The following DOCK7 variants were observed in gnomAD, a reference collection of about 807,000 sequenced individuals.
DOCK7 encodes the protein dedicator of cytokinesis 7, also known as dedicator of cytokinesis protein 7.
In DOCK7, 138 loss-of-function variants were observed where a neutral mutation model predicts 271.0. The observed-to-expected ratio is 0.51, with a 90% CI of 0.44 to 0.59. The LOEUF is 0.59. Among genes scored for constraint, DOCK7 ranks in the 20% least tolerant of loss-of-function variants. The pLI, the probability that DOCK7 is intolerant of heterozygous loss-of-function variation, is 0.00. For synonymous variants in DOCK7, 823 were observed against 876.1 expected, an observed-to-expected ratio of 0.94 and a Z score of 1.07; for missense variants, 2,066 against 2,592.4, an observed-to-expected ratio of 0.80 and a Z score of 4.41.
rs144381701 is a variant in DOCK7, at chr1:62,617,159, T to G, written c.1682+1547A>C. Among the ~76,000 whole-genome samples, 8 of 151,412 alleles carry G rather than the reference T, an allele frequency of 5.3e-5. No homozygotes were observed. In the East Asian group the frequency reaches 1.2e-3, roughly 22 times the overall value. On this transcript the variant is annotated intron_variant, in intron 14 of 49. Coordinates refer to ENST00000635253, the MANE Select transcript of DOCK7 (RefSeq NM_001367561.1). ...GGTAAATAGGCTCTAAGATGACAAT[T>G]GTACAGTAAGCCTAAAAAGCCTACA...
At chr1:62,648,654 T>A (rs1464055662) in intron 4 of DOCK7, 110 bp from the exon 5 acceptor site, 1 of 569,362 alleles carries the variant, frequency 1.8e-6, no homozygotes, top group Admixed American at 4.1e-5. Flanking sequence ...TATTTCTTTA[T>A]GTAATAAGAA....
At position 62,618,684 on chromosome 1, in the gene DOCK7, T is replaced by C. The variant is rs534143817; in HGVS notation, c.1682+22A>G. The C allele has an allele frequency of 8.7e-5, 138 of 1,592,068 alleles. 3 individuals are homozygous for C. The South Asian group carries it at 1.5e-3, about 17-fold the overall frequency. ...AATATACAGTATCTTCTATCAGAAT[T>C]CTCCAAATTAAAATCTCTTACCTGT... On this transcript the variant is annotated intron_variant, in intron 14 of 49. Transcript: ENST00000635253.
intron 30 of DOCK7, 143 bp downstream of exon 30, chr1:62,529,134 A>C: frequency 1.3e-6 from 1 of 764,392 alleles, no homozygotes; most frequent in Non-Finnish European, 1.9e-6. Flanking sequence ...GTTTTCTGGC[A>C]ATATAGTTTA....
intron 12 of DOCK7, among the ~76,000 whole-genome samples, chr1:62,623,059 C>T (rs1653488528): frequency 6.6e-6 from 1 of 152,204 alleles, no homozygotes; most frequent in African/African-American, 2.4e-5. Context: ...CAGGCATGAG[C>T]CGACATGCCT....
chr1:62,676,688 C>T (rs960243698), intron 1 of DOCK7, among the ~76,000 whole-genome samples: 2 of 152,022 alleles, frequency 1.3e-5, no homozygotes, highest in Admixed American at 6.6e-5. Context: ...CCTGAGACTC[C>T]GTACCACGAT....
At chr1:62,594,142 C>G (rs1011349493) in intron 14 of DOCK7, among the ~76,000 whole-genome samples, 4 of 151,982 alleles carry the variant, frequency 2.6e-5, no homozygotes, top group Admixed American at 1.3e-4. Flanking sequence ...TTTTACATTA[C>G]TGGTTATATT....
At chr1:62,623,634 AAAG>A (rs1306438037) in intron 12 of DOCK7, among the ~76,000 whole-genome samples, 1 of 152,218 alleles carries the variant, frequency 6.6e-6, no homozygotes, top group African/African-American at 2.4e-5. Flanking sequence ...GAAGAAGTAG[AAAG>A]AGGGGGAAGT....
chr1:62,553,350 A>T (rs1356642447), intron 21 of DOCK7, among the ~76,000 whole-genome samples: 1 of 14,868 alleles, frequency 6.7e-5, no homozygotes, highest in African/African-American at 3.5e-4. Flanking sequence ...ATATATATAT[A>T]TATATTTTTT....
At chr1:62,552,628 A>C in intron 22 of DOCK7, 104 bp downstream of exon 22, 1 of 1,134,156 alleles carries the variant, frequency 8.8e-7, no homozygotes, top group Non-Finnish European at 1.2e-6. Context: ...CCTAATTCCT[A>C]ACTTACATAC....
intron 14 of DOCK7, chr1:62,605,236 C>A (rs1204980085): frequency 5.7e-6 from 1 of 176,228 alleles, no homozygotes; most frequent in Non-Finnish European, 1.2e-5. Flanking sequence ...ATACAGAGGA[C>A]TGGTAATTGT....
At chr1:62,639,711 G>A (rs1655756812) in intron 7 of DOCK7, among the ~76,000 whole-genome samples, 1 of 151,770 alleles carries the variant, frequency 6.6e-6, no homozygotes, top group Non-Finnish European at 1.5e-5. Context: ...TTACAGGCGT[G>A]AGCCACCGGG....
intron 1 of DOCK7, among the ~76,000 whole-genome samples, chr1:62,687,295 T>G (rs1557912877): frequency 6.6e-6 from 1 of 152,352 alleles, no homozygotes; most frequent in Admixed American, 6.5e-5. Context: ...TCCTCTGTCA[T>G]TTAATTTTTA....
intron 48 of DOCK7, among the ~76,000 whole-genome samples, chr1:62,470,642 A>C (rs1337933349): frequency 6.6e-6 from 1 of 152,096 alleles, no homozygotes; most frequent in Non-Finnish European, 1.5e-5. Flanking sequence ...AAAAATACAA[A>C]AATTAGCCAG....
chr1:62,467,330 T>C (rs1356085814), intron 48 of DOCK7, among the ~76,000 whole-genome samples: 1 of 152,114 alleles, frequency 6.6e-6, no homozygotes, highest in Non-Finnish European at 1.5e-5. Flanking sequence ...CTTGGAGAAA[T>C]TCAAGAGCTA....
At chr1:62,537,832 T>TA in intron 28 of DOCK7, 59 bp downstream of exon 28, 1 of 1,489,566 alleles carries the variant, frequency 6.7e-7, no homozygotes, top group Non-Finnish European at 9.2e-7. Flanking sequence ...TTCCATTGTT[T>TA]AAAACTATTC....
intron 7 of DOCK7, among the ~76,000 whole-genome samples, chr1:62,645,031 TA>T (rs1368677485): frequency 9.2e-5 from 14 of 151,750 alleles, no homozygotes; most frequent in Non-Finnish European, 1.5e-4. Context: ...ATGGTTATGA[TA>T]AAAAAAACAG....
chr1:62,683,892 G>A (rs1661438838), intron 1 of DOCK7, among the ~76,000 whole-genome samples: 1 of 151,280 alleles, frequency 6.6e-6, no homozygotes, highest in South Asian at 2.1e-4. Context: ...GTACCACTGC[G>A]CTCCAGCCTG....
chr1:62,559,385 C>T (rs1027064394), intron 19 of DOCK7, among the ~76,000 whole-genome samples, 165 bp from the exon 20 acceptor site: 12 of 151,916 alleles, frequency 7.9e-5, no homozygotes, highest in Non-Finnish European at 1.6e-4. Flanking sequence ...TTTCATTTAT[C>T]ATTATAAAAT....
At chr1:62,688,039 T>C (rs2149794208) in intron 1 of DOCK7, among the ~76,000 whole-genome samples, 188 bp downstream of exon 1, 1 of 150,668 alleles carries the variant, frequency 6.6e-6, no homozygotes, top group East Asian at 2.0e-4. Flanking sequence ...AGGCCGGGGT[T>C]CGAGGGCGGC....
Sources: gnomAD v4.1 joint callset for allele counts (sites outside exome capture counted in the v4.1 genomes callset) on GRCh38, gnomAD v4.1.1 for gene constraint, MANE v1.5 for transcripts, NCBI Gene and HGNC (gene_info 2026-07-23, HGNC 2026-07-21) for gene names.